The following SERTM1 variants were observed in gnomAD, a reference collection of about 807,000 sequenced individuals.
SERTM1 encodes serine-rich and transmembrane domain-containing protein 1.
In SERTM1, 1 loss-of-function variant was observed where a neutral mutation model predicts 5.5. The ratio of observed to expected loss-of-function variants is 0.18; its 90% CI spans 0.06 to 0.86. The LOEUF (loss-of-function observed/expected upper bound fraction) is 0.86. Among genes scored for constraint, SERTM1 ranks in the 40% least tolerant of loss-of-function variants. The pLI, the probability that SERTM1 is intolerant of heterozygous loss-of-function variation, is 0.69. For missense variants in SERTM1, 91 were observed against 122.4 expected, an observed-to-expected ratio of 0.74 and a Z score of 1.21; for synonymous variants, 52 against 55.1, an observed-to-expected ratio of 0.94 and a Z score of 0.25.
intron 1 of SERTM1, among the ~76,000 whole-genome samples, chr13:36,679,050 C>T (rs962442095): frequency 6.6e-6 from 1 of 151,970 alleles, no homozygotes; most frequent in Admixed American, 6.6e-5. Flanking sequence ...AGTTAACATT[C>T]ATATAGAAAA....
chr13:36,695,110 C>G lies in SERTM1; in HGVS notation c.32C>G (p.Ser11Trp). The change falls in exon 2 of 2, where the codon TCG (serine) becomes TGG (tryptophan). Residue 11 changes from serine to tryptophan, a missense_variant. By Grantham distance (177) the Ser-to-Trp change is radical. Coordinates refer to ENST00000315190, the MANE Select transcript of SERTM1 (RefSeq NM_203451.3). The stretch of plus-strand genomic sequence containing the variant: ...GAACCTGACACTTCCTCAGGATTTT[C>G]GGGAAGTGTGGAGAATGGAACTTTT... MSEPDTSSGF[S>W]GSVENGTFLE... 2 of 1,613,864 alleles carry G rather than the reference C, an allele frequency of 1.2e-6. No homozygotes were observed. Among genetic ancestry groups the G allele is most frequent in the Non-Finnish European group, 1.7e-6 (2 of 1,179,868 alleles).
chr13:36,694,477 C>G (rs1003691960), intron 1 of SERTM1, among the ~76,000 whole-genome samples: 2 of 152,160 alleles, frequency 1.3e-5, no homozygotes, highest in African/African-American at 4.8e-5. Flanking sequence ...CAGTGATTTT[C>G]CAAAGTGTGC....
intron 1 of SERTM1, among the ~76,000 whole-genome samples, chr13:36,685,948 T>C (rs2056738303): frequency 6.6e-6 from 1 of 152,194 alleles, no homozygotes; most frequent in South Asian, 2.1e-4. Flanking sequence ...TTGGTCCTCA[T>C]TAGAAAACTG....
At chr13:36,675,370 C>G (rs2138081204) in intron 1 of SERTM1, among the ~76,000 whole-genome samples, 1 of 152,288 alleles carries the variant, frequency 6.6e-6, no homozygotes, top group Non-Finnish European at 1.5e-5. Context: ...CTCCCTAAGA[C>G]GTTTCTCCTA....
intron 1 of SERTM1, among the ~76,000 whole-genome samples, chr13:36,683,020 C>T (rs1482210643): frequency 6.6e-6 from 1 of 152,180 alleles, no homozygotes; most frequent in Non-Finnish European, 1.5e-5. Context: ...CTCAGCCTCC[C>T]AAGTAGCTAG....
Position 36,695,445 on chromosome 13 carries a change from C to T in SERTM1, c.*43C>T, listed in dbSNP as rs1209169769. 1 of 1,472,742 alleles carries T rather than the reference C, an allele frequency of 6.8e-7. No individual in the cohort carries two copies. Among genetic ancestry groups the T allele is most frequent in the Non-Finnish European group, 9.4e-7 (1 of 1,062,936 alleles). 91.2% of individuals were successfully genotyped at this position (1,472,742 alleles called of 1,614,324 possible). A position where few individuals can be genotyped will look rare whatever the true frequency, so the allele number is the denominator to read the frequency against. The stretch of plus-strand genomic sequence containing the variant: ...TTGAGTGTGGCAGCAGTTTTGACAT[C>T]CCCTTACGGAAGTGTCCCGTGAGGC... On this transcript the variant is annotated 3_prime_UTR_variant, in exon 2 of 2. Transcript: ENST00000315190.
chr13:36,691,383 GTCTC>G (rs1463947887), intron 1 of SERTM1, among the ~76,000 whole-genome samples: 1 of 152,130 alleles, frequency 6.6e-6, no homozygotes, highest in Non-Finnish European at 1.5e-5. Flanking sequence ...GTCTTACGTT[GTCTC>G]TCTGTTTCCC....
chr13:36,691,159 G>A (rs1048914169), intron 1 of SERTM1, among the ~76,000 whole-genome samples: 2 of 152,188 alleles, frequency 1.3e-5, no homozygotes, highest in African/African-American at 2.4e-5. Flanking sequence ...TGACTGCCAT[G>A]GGTCCTGCAA....
intron 1 of SERTM1, among the ~76,000 whole-genome samples, chr13:36,692,221 C>T (rs2056783764): frequency 6.6e-6 from 1 of 152,148 alleles, no homozygotes. Context: ...ATGCTTTGAC[C>T]AAACCTTCTG....
chr13:36,678,002 A>C (rs2056680535), intron 1 of SERTM1, among the ~76,000 whole-genome samples: 1 of 152,198 alleles, frequency 6.6e-6, no homozygotes. Context: ...GGTAGAAATG[A>C]ACCATTTCAA....
chr13:36,684,061 G>A (rs2056724306), intron 1 of SERTM1, among the ~76,000 whole-genome samples: 1 of 152,174 alleles, frequency 6.6e-6, no homozygotes, highest in Admixed American at 6.5e-5. Context: ...ACTTTGGGAG[G>A]CTGAGGCAGA....
rs57478418 is a variant in SERTM1, at chr13:36,697,312, A to AATATATATATATATATATATATAT, written c.*1912_*1935dup. 8.1e-4 allele frequency: 117 copies of AATATATATATATATATATATATAT among 143,778 alleles called. No individual in the cohort carries two copies. Among genetic ancestry groups the AATATATATATATATATATATATAT allele is most frequent in the African/African-American group, 2.9e-3 (106 of 36,172 alleles). The allele number at this position is 143,778 out of a possible 1,614,324, so 8.9% of individuals were successfully genotyped here. Reference sequence around the variant, plus strand: ...ATACGCACACACACACACACACATAAATATATATATATATATATATATATA... The same window carrying AATATATATATATATATATATATAT: ...ATACGCACACACACACACACACATAAATATATATATATATATATATATATATATATATATATATATATATATATA... On this transcript the variant is annotated 3_prime_UTR_variant, in exon 2 of 2. Transcript: ENST00000315190.
At chr13:36,685,506 T>C (rs190994458) in intron 1 of SERTM1, among the ~76,000 whole-genome samples, 99 of 152,354 alleles carry the variant, frequency 6.5e-4, no homozygotes, top group Admixed American at 1.5e-3. Context: ...GTATCCTCAG[T>C]CATATGATTG....
chr13:36,678,394 A>G (rs1354938327), intron 1 of SERTM1, among the ~76,000 whole-genome samples: 2 of 151,986 alleles, frequency 1.3e-5, no homozygotes, highest in Non-Finnish European at 2.9e-5. Flanking sequence ...GAATCATAGT[A>G]TACACTATCA....
intron 1 of SERTM1, among the ~76,000 whole-genome samples, chr13:36,681,582 A>G (rs2056705491): frequency 6.6e-6 from 1 of 152,238 alleles, no homozygotes; most frequent in Admixed American, 6.5e-5. Context: ...GTGAATTATA[A>G]TAAGCTTCCC....
At position 36,679,510 on chromosome 13, in the gene SERTM1, C is replaced by T. The variant is rs531278988; in HGVS notation, c.-174+5326C>T. Among the ~76,000 whole-genome samples, 168 of 152,258 alleles carry T rather than the reference C, an allele frequency of 1.1e-3. 1 individual carries two copies. The highest frequency in any genetic ancestry group is 3.8e-3 in the African/African-American group (158 of 41,538). On this transcript the variant is annotated intron_variant, in intron 1 of 1. Transcript: ENST00000315190. ...GCAACACCTGTCTCCCACGTTCAAGCGATTCTCCTGTCTCAGCCTCCTGAG... is the reference window on the plus strand; with the variant it reads ...GCAACACCTGTCTCCCACGTTCAAGTGATTCTCCTGTCTCAGCCTCCTGAG...
At chr13:36,679,642 A>G (rs1396237788) in intron 1 of SERTM1, among the ~76,000 whole-genome samples, 4 of 152,136 alleles carry the variant, frequency 2.6e-5, no homozygotes, top group Non-Finnish European at 5.9e-5. Flanking sequence ...CCTGACTTCA[A>G]GTGGTCCACC....
rs895722895 is a variant in SERTM1 at position 36,696,783 on chromosome 13, T to C, written c.*1381T>C. ...GCCCACAGGGTAAACACTGAACTTA[T>C]TCAACCTACAGGAGGCCACTGCATC... On this transcript the variant is annotated 3_prime_UTR_variant, in exon 2 of 2. Transcript: ENST00000315190. 1 of 167,082 alleles carries C rather than the reference T, an allele frequency of 6.0e-6. No individual in the cohort carries two copies. The highest frequency in any genetic ancestry group is 2.4e-5 in the African/African-American group (1 of 41,450). The allele number at this position is 167,082 out of a possible 1,614,324, so 10.3% of individuals were successfully genotyped here.
In SERTM1 at chr13:36,694,902, T is replaced by C. The variant is rs2056802734; in HGVS notation, c.-173-4T>C. On this transcript the variant is annotated splice_polypyrimidine_tract_variant and splice_region_variant and intron_variant, in intron 1 of 1. Coordinates refer to ENST00000315190, the MANE Select transcript of SERTM1 (RefSeq NM_203451.3). ...GAATGCACTGACTTGCTTTTTTTTTTCAGTCTCAATGCACATCTGATACCT... is the reference window on the plus strand; with the variant it reads ...GAATGCACTGACTTGCTTTTTTTTTCCAGTCTCAATGCACATCTGATACCT... The C allele has an allele frequency of 5.4e-6, 3 of 553,972 alleles. No homozygotes were observed. In the Admixed American group the frequency reaches 1.1e-4, roughly 19 times the overall value. The allele number at this position is 553,972 out of a possible 1,614,324, so 34.3% of individuals were successfully genotyped here.
Sources: gnomAD v4.1 joint callset for allele counts (sites outside exome capture counted in the v4.1 genomes callset) on GRCh38, gnomAD v4.1.1 for gene constraint, MANE v1.5 for transcripts, NCBI Gene and HGNC (gene_info 2026-07-23, HGNC 2026-07-21) for gene names.